Variants in EPB41L2 observed in about 807,000 individuals in gnomAD.
The protein encoded by EPB41L2 is band 4.1-like protein 2.
In EPB41L2, 43 loss-of-function variants were observed where a neutral mutation model predicts 113.0. The ratio of observed to expected loss-of-function variants is 0.38; its 90% CI spans 0.30 to 0.49. The LOEUF is 0.49. Among genes scored for constraint, EPB41L2 ranks in the 20% least tolerant of loss-of-function variants. The probability of loss-of-function intolerance (pLI) is 0.95; values close to 1 mark genes in which losing one functional copy is unlikely to be tolerated. For synonymous variants in EPB41L2, 442 were observed against 436.7 expected, an observed-to-expected ratio of 1.01 and a Z score of -0.15; for missense variants, 1,147 against 1,223.4, an observed-to-expected ratio of 0.94 and a Z score of 0.93.
In EPB41L2 at chr6:130,854,561, G is replaced by A. The variant is rs530036415; in HGVS notation, c.*5+3570C>T. 2.0e-5 allele frequency among the ~76,000 whole-genome samples: 3 copies of A among 152,240 alleles called. No homozygotes were observed. In the East Asian group the frequency reaches 5.8e-4, roughly 29 times the overall value. On this transcript the variant is annotated intron_variant, in intron 19 of 19. Transcript: ENST00000337057. ...AATTCATTTAAAAACTTATTAAAATGCCACAAGTGAAGGTGGAGCTACTGG... is the reference window on the plus strand; with the variant it reads ...AATTCATTTAAAAACTTATTAAAATACCACAAGTGAAGGTGGAGCTACTGG...
intron 4 of EPB41L2, among the ~76,000 whole-genome samples, chr6:130,912,331 C>G (rs1046003024): frequency 1.3e-5 from 2 of 152,148 alleles, no homozygotes; most frequent in African/African-American, 4.8e-5. Context: ...AACCTGCTGT[C>G]TTAATACCAT....
At chr6:131,037,324 T>G (rs1041880798) in intron 1 of EPB41L2, among the ~76,000 whole-genome samples, 13 of 152,132 alleles carry the variant, frequency 8.5e-5, no homozygotes, top group Admixed American at 8.5e-4. Flanking sequence ...AAATCCAACC[T>G]GGTAAGTGCC....
At chr6:131,024,957 T>C (rs1216950618) in intron 1 of EPB41L2, among the ~76,000 whole-genome samples, 3 of 152,328 alleles carry the variant, frequency 2.0e-5, no homozygotes, top group Middle Eastern at 3.4e-3. Flanking sequence ...GTCTTCTTCC[T>C]CTCTATTCTT....
chr6:130,911,049 C>T (rs191360416), intron 4 of EPB41L2, among the ~76,000 whole-genome samples: 6 of 152,298 alleles, frequency 3.9e-5, no homozygotes, highest in Admixed American at 2.6e-4. Flanking sequence ...GATTATAAAT[C>T]GTTCTTTTAT....
intron 14 of EPB41L2, chr6:130,876,782 T>G: frequency 7.7e-7 from 1 of 1,298,108 alleles, no homozygotes; most frequent in Middle Eastern, 2.1e-4. Context: ...TTCTCTATTG[T>G]TTTAAACAAT....
intron 1 of EPB41L2, among the ~76,000 whole-genome samples, chr6:131,050,978 G>A (rs1017157490): frequency 7.9e-5 from 12 of 152,136 alleles, no homozygotes; most frequent in African/African-American, 2.9e-4. Context: ...CTAAACTAAT[G>A]CTGTCACCTC....
intron 5 of EPB41L2, among the ~76,000 whole-genome samples, chr6:130,905,711 C>A (rs567196156): frequency 6.6e-6 from 1 of 152,148 alleles, no homozygotes; most frequent in Non-Finnish European, 1.5e-5. Flanking sequence ...TGAACCACCA[C>A]GCCCAGCCAA....
In EPB41L2 at chr6:130,894,656, T is replaced by C. The variant is rs538827475; in HGVS notation, c.1390-215A>G. 9.2e-5 allele frequency among the ~76,000 whole-genome samples: 14 copies of C among 152,320 alleles called. No homozygotes were observed. In the South Asian group the frequency reaches 2.5e-3, roughly 27 times the overall value. On this transcript the variant is annotated intron_variant, in intron 9 of 19. Transcript: ENST00000337057. ...GTAACAACGGCTCACATAAACCAACTATCCTTCAATGTTCACTAAAACTCA... is the reference window on the plus strand; with the variant it reads ...GTAACAACGGCTCACATAAACCAACCATCCTTCAATGTTCACTAAAACTCA...
chr6:130,930,216 A>G (rs943642466), intron 3 of EPB41L2, among the ~76,000 whole-genome samples: 2 of 151,714 alleles, frequency 1.3e-5, no homozygotes, highest in African/African-American at 4.9e-5. Context: ...TCCCAAAACT[A>G]TTTAGCAAAA....
At chr6:130,902,698 T>C (rs1407104858) in intron 6 of EPB41L2, among the ~76,000 whole-genome samples, 1 of 152,212 alleles carries the variant, frequency 6.6e-6, no homozygotes, top group Non-Finnish European at 1.5e-5. Context: ...TTTTAGAACC[T>C]AAACACAAAG....
intron 1 of EPB41L2, among the ~76,000 whole-genome samples, chr6:131,051,658 C>T (rs761642535): frequency 2.0e-5 from 3 of 152,106 alleles, no homozygotes; most frequent in Non-Finnish European, 4.4e-5. Context: ...CCCTGAGAGC[C>T]TGAAGAATTG....
intron 1 of EPB41L2, among the ~76,000 whole-genome samples, chr6:130,971,192 C>T (rs550267431): frequency 1.2e-4 from 19 of 152,296 alleles, no homozygotes; most frequent in African/African-American, 3.9e-4. Context: ...CCACCGCGTC[C>T]GGCCACCCTG....
chr6:130,853,346 T>C (rs2128413947), intron 19 of EPB41L2, among the ~76,000 whole-genome samples: 1 of 152,262 alleles, frequency 6.6e-6, no homozygotes, highest in Middle Eastern at 3.4e-3. Flanking sequence ...GCTCATTCTT[T>C]CTGAGACCAC....
At chr6:131,059,908 G>A (rs1798337200) in intron 1 of EPB41L2, among the ~76,000 whole-genome samples, 2 of 152,178 alleles carry the variant, frequency 1.3e-5, no homozygotes, top group African/African-American at 2.4e-5. Context: ...CTAAATAAAG[G>A]TGGGATGGAG....
intron 8 of EPB41L2, among the ~76,000 whole-genome samples, chr6:130,896,702 G>A (rs976145606): frequency 6.6e-6 from 1 of 152,222 alleles, no homozygotes; most frequent in African/African-American, 2.4e-5. Context: ...GGTAGGAAGT[G>A]AAAGAGGAAA....
intron 3 of EPB41L2, among the ~76,000 whole-genome samples, chr6:130,939,257 C>CTT (rs879441496): frequency 2.1e-5 from 3 of 145,874 alleles, no homozygotes; most frequent in Admixed American, 6.8e-5. Flanking sequence ...ACCCAAATAA[C>CTT]TTTTTTTTTT....
chr6:130,934,325 G>A (rs989024939), intron 3 of EPB41L2, among the ~76,000 whole-genome samples: 59 of 152,186 alleles, frequency 3.9e-4, no homozygotes, highest in African/African-American at 1.1e-3. Flanking sequence ...TATAGTAAAG[G>A]AAGATTCTTA....
chr6:131,049,625 A>G (rs1006165965), intron 1 of EPB41L2, among the ~76,000 whole-genome samples: 5 of 152,242 alleles, frequency 3.3e-5, no homozygotes, highest in African/African-American at 1.2e-4. Context: ...AAGGCTGAAT[A>G]TGAACCATTG....
chr6:130,853,661 G>A (rs1269926334), intron 19 of EPB41L2, among the ~76,000 whole-genome samples: 1 of 152,080 alleles, frequency 6.6e-6, no homozygotes, highest in Non-Finnish European at 1.5e-5. Flanking sequence ...GTCCTCTGCA[G>A]GTTGTTCTTT....
Sources: allele counts gnomAD v4.1 joint callset (sites outside exome capture counted in the v4.1 genomes callset), GRCh38; gene constraint gnomAD v4.1.1; transcripts MANE v1.5; gene names NCBI Gene and HGNC (gene_info 2026-07-23, HGNC 2026-07-21).